C2CD2: variants seen among roughly 807,000 people sequenced by gnomAD.
C2CD2 encodes C2 domain-containing protein 2.
A neutral mutation model predicts 74.3 loss-of-function variants in C2CD2; 43 were observed. That is an observed-to-expected ratio of 0.58 (90% confidence interval 0.45 to 0.75). The LOEUF (loss-of-function observed/expected upper bound fraction) is 0.75. C2CD2 is among the 30% of genes least tolerant of loss of function. The probability of loss-of-function intolerance (pLI) is 0.00; values close to 1 mark genes in which losing one functional copy is unlikely to be tolerated. For missense variants in C2CD2, 801 were observed against 916.3 expected (o/e 0.87, Z 1.63); for synonymous variants, 422 against 390.7 (o/e 1.08, Z -0.94).
rs975698203 is a variant in C2CD2 at position 41,923,577 on chromosome 21, T to C, written c.379-1492A>G. 4.6e-5 allele frequency among the ~76,000 whole-genome samples: 7 copies of C among 152,148 alleles called. No individual in the cohort carries two copies. The highest frequency in any genetic ancestry group is 1.7e-4 in the African/African-American group (7 of 41,430). On this transcript the variant is annotated intron_variant, in intron 2 of 13. Transcript: ENST00000380486. This position sits in a 1 kb window ranked among gnomAD's most constrained non-coding sequence, Gnocchi z 5.8. ...GAAAAACATACAAAGTATCAAACAA[T>C]TATAAAATTATGCAGCCGTACCAAA...
chr21:41,942,976 C>T, intron 1 of C2CD2: 1 of 983,204 alleles, frequency 1.0e-6, no homozygotes, highest in South Asian at 4.7e-5. Context: ...ACTCGGTCAG[C>T]TCATGTCTGT....
intron 10 of C2CD2, among the ~76,000 whole-genome samples, chr21:41,906,582 C>T (rs1448932758): frequency 2.0e-5 from 3 of 152,164 alleles, no homozygotes; most frequent in African/African-American, 7.2e-5. Flanking sequence ...TCAGGCTGGT[C>T]TCAGACTCCT....
chr21:41,930,442 C>T lies in C2CD2; in HGVS notation c.379-8357G>A, dbSNP rs537554353. Among the ~76,000 whole-genome samples, 75 of 150,404 alleles carry T rather than the reference C, an allele frequency of 5.0e-4. 1 individual carries two copies. The highest frequency in any genetic ancestry group is 1.8e-3 in the African/African-American group (75 of 41,424). On this transcript the variant is annotated intron_variant, in intron 2 of 13. Transcript: ENST00000380486. The stretch of plus-strand genomic sequence containing the variant: ...TCAGGGCCAGGCACAGTAGCTCACA[C>T]CTGTTATCCTAGCACTTTGGGAAGC...
At position 41,905,964 on chromosome 21, in the gene C2CD2, G is replaced by C. The variant is rs150950254; in HGVS notation, c.1319-127C>G. On this transcript the variant is annotated intron_variant, in intron 10 of 13. Coordinates refer to ENST00000380486, the MANE Select transcript of C2CD2 (RefSeq NM_015500.2). ...GCAGTTGGTAAAGGCAAAGCTTAAC[G>C]AAAGCTGTTTTGAGGGGAGGAGGGG... is the stretch of plus-strand genomic sequence containing the variant. 6.6e-5 allele frequency: 46 copies of C among 696,130 alleles called. 5 individuals carry two copies. Among genetic ancestry groups the C allele is most frequent in the Admixed American group, 1.9e-4 (9 of 48,154 alleles). 43.1% of individuals were successfully genotyped at this position (696,130 alleles called of 1,614,324 possible). A position where few individuals can be genotyped will look rare whatever the true frequency, so the allele number is the denominator to read the frequency against.
chr21:41,950,077 C>T (rs4920033), intron 1 of C2CD2, among the ~76,000 whole-genome samples: 152,146 of 152,178 alleles, frequency 1, 76,057 homozygotes, highest in Middle Eastern at 1. Context: ...ACATGGCACA[C>T]GTATACCTAT....
Position 41,900,669 on chromosome 21 carries a change from C to T in C2CD2, c.1560+953G>A, listed in dbSNP as rs138810918. On this transcript the variant is annotated intron_variant, in intron 12 of 13. Coordinates refer to ENST00000380486, the MANE Select transcript of C2CD2 (RefSeq NM_015500.2). Reference sequence around the variant, plus strand: ...GTCCTGTTCTGGCCTGTCTCCCAGCCACTGAGGAATCCATCTTCTGCGTGC... The same window carrying T: ...GTCCTGTTCTGGCCTGTCTCCCAGCTACTGAGGAATCCATCTTCTGCGTGC... 5.0e-4 allele frequency among the ~76,000 whole-genome samples: 76 copies of T among 152,338 alleles called. No homozygotes were observed. The East Asian group carries it at 0.013, about 27-fold the overall frequency.
intron 5 of C2CD2, among the ~76,000 whole-genome samples, chr21:41,915,709 G>C (rs1041658286): frequency 6.6e-6 from 1 of 152,028 alleles, no homozygotes; most frequent in African/African-American, 2.4e-5. Context: ...CAAAGTGCTG[G>C]GATTACAGGC....
chr21:41,923,484 C>A lies in C2CD2; in HGVS notation c.379-1399G>T, dbSNP rs2065177761. Among the ~76,000 whole-genome samples the A allele has an allele frequency of 6.6e-6, 1 of 152,188 alleles. No individual in the cohort carries two copies. The highest frequency in any genetic ancestry group is 1.9e-4 in the East Asian group (1 of 5,198). ...AAAAGTTTTCTTAAATTACCCAGAA[C>A]ACAATGGGTTGCTTCCACCTAAATA... On this transcript the variant is annotated intron_variant, in intron 2 of 13. Coordinates refer to ENST00000380486, the MANE Select transcript of C2CD2 (RefSeq NM_015500.2). The surrounding 1 kb of genome is among the most constrained non-coding windows in gnomAD (Gnocchi z 5.8).
intron 3 of C2CD2, among the ~76,000 whole-genome samples, chr21:41,919,215 C>T (rs556140727): frequency 2.6e-5 from 4 of 151,932 alleles, no homozygotes; most frequent in Admixed American, 6.5e-5. Flanking sequence ...TGTATTTGAG[C>T]GTGTGCGGAA....
Position 41,905,975 on chromosome 21 carries a change from T to A in C2CD2, c.1319-138A>T, listed in dbSNP as rs140767355. 2.3e-4 allele frequency: 153 copies of A among 678,802 alleles called. No individual in the cohort carries two copies. In the East Asian group the frequency reaches 4.1e-3, roughly 18 times the overall value. The allele number at this position is 678,802 out of a possible 1,614,324, so 42.0% of individuals were successfully genotyped here. A position where few individuals can be genotyped will look rare whatever the true frequency, so the allele number is the denominator to read the frequency against. ...AGGCAAAGCTTAACGAAAGCTGTTT[T>A]GAGGGGAGGAGGGGCAAGAGTGGTG... On this transcript the variant is annotated intron_variant, in intron 10 of 13. Transcript: ENST00000380486.
At chr21:41,933,390 G>A (rs142010203) in intron 2 of C2CD2, among the ~76,000 whole-genome samples, 1,528 of 152,082 alleles carry the variant, frequency 0.01, 33 homozygotes, top group Middle Eastern at 0.017. Flanking sequence ...GAACACCACT[G>A]TGAACCCGCT....
At chr21:41,948,893 C>CTTTTTTTTTTTTTTTTTTTTTTTTTTTTT (rs58888005) in intron 1 of C2CD2, among the ~76,000 whole-genome samples, 1 of 98,598 alleles carries the variant, frequency 1.0e-5, no homozygotes, top group Admixed American at 1.5e-4. Flanking sequence ...TTTTTTTTTT[C>CTTTTTTTTTTTTTTTTTTTTTTTTTTTTT]TTTTTTTTTA....
intron 1 of C2CD2, chr21:41,952,945 T>C (rs2065461680): frequency 5.8e-6 from 1 of 171,610 alleles, no homozygotes; most frequent in Non-Finnish European, 1.2e-5. Context: ...GATAAATTCT[T>C]GGTGAAATTC....
At chr21:41,906,300 T>C (rs2064961245) in intron 10 of C2CD2, among the ~76,000 whole-genome samples, 1 of 152,246 alleles carries the variant, frequency 6.6e-6, no homozygotes, top group Admixed American at 6.5e-5. Flanking sequence ...CCACTCACTT[T>C]GAATTTTTCA....
At chr21:41,919,853 C>T (rs1157799568) in intron 3 of C2CD2, among the ~76,000 whole-genome samples, 1 of 152,204 alleles carries the variant, frequency 6.6e-6, no homozygotes, top group Non-Finnish European at 1.5e-5. Flanking sequence ...GGAGACTTGG[C>T]AGGTGCGACA....
intron 13 of C2CD2, chr21:41,894,678 G>C (rs1482935108): frequency 4.4e-6 from 2 of 456,808 alleles, no homozygotes; most frequent in Middle Eastern, 6.6e-4. Context: ...AGGCATGCAG[G>C]GGGCAGGGGA....
At chr21:41,936,434 G>A (rs2065307714) in intron 2 of C2CD2, among the ~76,000 whole-genome samples, 1 of 152,166 alleles carries the variant, frequency 6.6e-6, no homozygotes, top group South Asian at 2.1e-4. Flanking sequence ...AAAAATATGA[G>A]CAATAACAAG....
rs2064954020 is a variant in C2CD2, at chr21:41,905,770, G to A, written c.1386C>T (p.Ala462=). ...TTTTGCTGACGGGGGCGCTGCGGCA[G>A]GCGATGGCCTGGACAGAGATGTCCT... ...IEKDISVQAI[A]CRSAPVSKTL... The change falls in exon 11 of 14, where the codon GCC becomes GCT. Residue 462 remains alanine (A), a synonymous_variant. Coordinates refer to ENST00000380486, the MANE Select transcript of C2CD2 (RefSeq NM_015500.2). 1.2e-6 allele frequency: 2 copies of A among 1,612,680 alleles called. No homozygotes were observed. Among genetic ancestry groups the A allele is most frequent in the Non-Finnish European group, 8.5e-7 (1 of 1,178,796 alleles).
chr21:41,912,498 T>C (rs569941678), intron 6 of C2CD2, 58 bp from the exon 7 acceptor site: 1 of 723,114 alleles, frequency 1.4e-6, no homozygotes, highest in Non-Finnish European at 1.9e-6. Context: ...TATTTATTTT[T>C]TTTTTTTTTT....
Sources: allele counts gnomAD v4.1 joint callset (sites outside exome capture counted in the v4.1 genomes callset), GRCh38; gene constraint gnomAD v4.1.1; non-coding constraint Gnocchi (gnomAD v3.1); transcripts MANE v1.5; gene names NCBI Gene and HGNC (gene_info 2026-07-23, HGNC 2026-07-21).